MYH10: variants seen among roughly 807,000 people sequenced by gnomAD.
The protein encoded by MYH10 is myosin heavy chain 10.
In MYH10, 55 loss-of-function variants were observed where a neutral mutation model predicts 257.8. That is an observed-to-expected ratio of 0.21 (90% CI 0.17 to 0.27). MYH10 has a LOEUF of 0.27. MYH10 is among the 10% of genes least tolerant of loss of function. MYH10 has a pLI of 1.00. For missense variants in MYH10, 1,631 were observed against 2,500.6 expected (o/e 0.65, Z 7.42); for synonymous variants, 854 against 921.7 (o/e 0.93, Z 1.33).
chr17:8,606,861 C>T (rs920393458), intron 2 of MYH10, among the ~76,000 whole-genome samples: 1 of 152,218 alleles, frequency 6.6e-6, no homozygotes, highest in Non-Finnish European at 1.5e-5. Context: ...ATAGACTCCT[C>T]AAGTCTTCAG....
At position 8,498,662 on chromosome 17, in the gene MYH10, G is replaced by A. The variant is rs567016288; in HGVS notation, c.3951+608C>T. Among the ~76,000 whole-genome samples the A allele has an allele frequency of 3.9e-3, 597 of 151,872 alleles. 5 individuals are homozygous for A. Among genetic ancestry groups the A allele is most frequent in the African/African-American group, 0.014 (563 of 41,432 alleles). ...GGAGATTGAGACCATCCTGGCTAACGTGGTGAAACCCCGTCTCTACTAAAA... is the reference window on the plus strand; with the variant it reads ...GGAGATTGAGACCATCCTGGCTAACATGGTGAAACCCCGTCTCTACTAAAA... On this transcript the variant is annotated intron_variant, in intron 30 of 42. Coordinates refer to ENST00000360416, the MANE Select transcript of MYH10 (RefSeq NM_001256012.3).
intron 33 of MYH10, 114 bp from the exon 34 acceptor site, chr17:8,492,623 T>C: frequency 8.0e-7 from 1 of 1,242,740 alleles, no homozygotes; most frequent in Non-Finnish European, 1.1e-6. Flanking sequence ...ATGGTGTTCT[T>C]GTATTTCCTT....
At chr17:8,493,295 G>C (rs1916060281) in intron 32 of MYH10, among the ~76,000 whole-genome samples, 2 of 150,098 alleles carry the variant, frequency 1.3e-5, no homozygotes, top group African/African-American at 4.9e-5. Flanking sequence ...AGTGAGCTGA[G>C]ATCACGCCAC....
At chr17:8,587,227 C>A (rs1254055412) in intron 4 of MYH10, among the ~76,000 whole-genome samples, 1 of 152,132 alleles carries the variant, frequency 6.6e-6, no homozygotes, top group African/African-American at 2.4e-5. Flanking sequence ...GAGCCTGGCC[C>A]AGATCTGCAG....
In MYH10 at chr17:8,518,599, A is replaced by G. The variant is rs773823671; in HGVS notation, c.2504+32T>C. 5 of 1,597,726 alleles carry G rather than the reference A, an allele frequency of 3.1e-6. No individual in the cohort carries two copies. The African/African-American group carries it at 5.4e-5, about 17-fold the overall frequency. ...GCTTATCTAGCACAAGCACTTCCTCAGTGAACGATTAATTCGTGAATACCC... is the reference window on the plus strand; with the variant it reads ...GCTTATCTAGCACAAGCACTTCCTCGGTGAACGATTAATTCGTGAATACCC... On this transcript the variant is annotated intron_variant, in intron 21 of 42. Coordinates refer to ENST00000360416, the MANE Select transcript of MYH10 (RefSeq NM_001256012.3).
chr17:8,592,963 AT>A (rs1567953176), intron 3 of MYH10, among the ~76,000 whole-genome samples: 23 of 124,448 alleles, frequency 1.8e-4, no homozygotes, highest in African/African-American at 6.4e-4. Flanking sequence ...ATATATATAT[AT>A]ATATATAAAA....
intron 1 of MYH10, among the ~76,000 whole-genome samples, chr17:8,624,221 T>C (rs761688901): frequency 6.6e-6 from 1 of 152,264 alleles, no homozygotes; most frequent in East Asian, 1.9e-4. Context: ...CACAAAGGGC[T>C]AGCAGAGGAA....
intron 21 of MYH10, among the ~76,000 whole-genome samples, chr17:8,515,123 G>A (rs1018629120): frequency 6.6e-5 from 10 of 152,152 alleles, no homozygotes; most frequent in Non-Finnish European, 1.3e-4. Context: ...TCCTGAGGAT[G>A]TTTGTTGAGT....
intron 2 of MYH10, among the ~76,000 whole-genome samples, chr17:8,617,129 C>T (rs1430340340): frequency 6.6e-6 from 1 of 152,000 alleles, no homozygotes; most frequent in Non-Finnish European, 1.5e-5. Context: ...GGAATTGAGG[C>T]TGACCCTAAG....
chr17:8,582,774 T>C (rs937982775), intron 4 of MYH10, among the ~76,000 whole-genome samples: 17 of 152,378 alleles, frequency 1.1e-4, no homozygotes, highest in Middle Eastern at 3.4e-3. Context: ...TCTGAGACCT[T>C]TGAATTCCTT....
intron 30 of MYH10, among the ~76,000 whole-genome samples, chr17:8,499,067 G>C (rs775314439): frequency 2.6e-5 from 4 of 152,160 alleles, no homozygotes; most frequent in Non-Finnish European, 5.9e-5. Context: ...ATCATGCTGT[G>C]TTCTTCTTAA....
rs557634351 is a variant in MYH10, at chr17:8,529,825, G to A, written c.1957+798C>T. Among the ~76,000 whole-genome samples the A allele has an allele frequency of 5.3e-5, 8 of 152,248 alleles. No individual in the cohort carries two copies. In the East Asian group the frequency reaches 1.2e-3, roughly 22 times the overall value. On this transcript the variant is annotated intron_variant, in intron 17 of 42. Transcript: ENST00000360416. ...AATTTATCTTTGAGTTTCGCTACTT[G>A]CCAGTTTCACTAAACATTCGGAAGG... is the stretch of plus-strand genomic sequence containing the variant.
At chr17:8,586,087 C>G (rs936600050) in intron 4 of MYH10, among the ~76,000 whole-genome samples, 1 of 152,098 alleles carries the variant, frequency 6.6e-6, no homozygotes, top group Non-Finnish European at 1.5e-5. Flanking sequence ...AGGGAGGTTC[C>G]CAGATTGAGA....
At chr17:8,485,933 C>G (rs189059923) in intron 36 of MYH10, among the ~76,000 whole-genome samples, 1 of 152,288 alleles carries the variant, frequency 6.6e-6, no homozygotes, top group African/African-American at 2.4e-5. Flanking sequence ...AAATGTCCAA[C>G]TGGGGGATAG....
intron 3 of MYH10, among the ~76,000 whole-genome samples, chr17:8,603,377 A>C (rs1005615529): frequency 6.6e-6 from 1 of 152,170 alleles, no homozygotes; most frequent in African/African-American, 2.4e-5. Context: ...CTGTTCTCTT[A>C]ACATATTTTA....
At chr17:8,616,997 C>CA (rs890625485) in intron 2 of MYH10, among the ~76,000 whole-genome samples, 1 of 152,002 alleles carries the variant, frequency 6.6e-6, no homozygotes, top group African/African-American at 2.4e-5. Context: ...GATGCCCCTT[C>CA]AGAGCAGTGG....
At chr17:8,611,767 G>C (rs1330313147) in intron 2 of MYH10, among the ~76,000 whole-genome samples, 1 of 152,170 alleles carries the variant, frequency 6.6e-6, no homozygotes, top group Non-Finnish European at 1.5e-5. Flanking sequence ...ATGGGACGAG[G>C]TGAAACGATC....
intron 3 of MYH10, among the ~76,000 whole-genome samples, chr17:8,602,371 A>T (rs2084642816): frequency 6.6e-6 from 1 of 152,198 alleles, no homozygotes; most frequent in Non-Finnish European, 1.5e-5. Flanking sequence ...AATTCTCCAC[A>T]CGGTCCTTGG....
intron 31 of MYH10, among the ~76,000 whole-genome samples, chr17:8,494,884 C>T (rs140509289): frequency 4.9e-4 from 75 of 152,356 alleles, no homozygotes; most frequent in African/African-American, 1.4e-3. Flanking sequence ...AGGCAGCGGC[C>T]GTGAATGGCA....
Sources: gnomAD v4.1 joint callset for allele counts (sites outside exome capture counted in the v4.1 genomes callset) on GRCh38, gnomAD v4.1.1 for gene constraint, MANE v1.5 for transcripts, NCBI Gene and HGNC (gene_info 2026-07-23, HGNC 2026-07-21) for gene names.